The following SPRR2G variants were observed in gnomAD, a reference collection of about 807,000 sequenced individuals.
SPRR2G encodes the protein small proline-rich protein 2G.
A neutral mutation model predicts 0.7 loss-of-function variants in SPRR2G; 1 was observed. The observed-to-expected ratio is 1.49, with a 90% CI of 0.53 to 7.06. The LOEUF is 7.06. SPRR2G is among the 30% of genes most tolerant of loss of function. The probability of loss-of-function intolerance (pLI) is 0.14; values close to 1 mark genes in which losing one functional copy is unlikely to be tolerated. For synonymous variants in SPRR2G, 38 were observed against 33.9 expected, an observed-to-expected ratio of 1.12 and a Z score of -0.42; for missense variants, 96 against 88.5, an observed-to-expected ratio of 1.09 and a Z score of -0.34.
chr1:153,161,964 C>A, the SPRR2G span, among the ~76,000 whole-genome samples: 3 of 151,990 alleles, frequency 2.0e-5, no homozygotes, highest in Admixed American at 6.5e-5. Context: ...TCCATGATAC[C>A]AATAGGGGGT....
At chr1:153,202,614 T>G in the SPRR2G span, among the ~76,000 whole-genome samples, 1 of 152,218 alleles carries the variant, frequency 6.6e-6, no homozygotes, top group Non-Finnish European at 1.5e-5. Flanking sequence ...CCCAGACCCA[T>G]GACTGCCTTC....
the SPRR2G span, chr1:153,174,546 T>C: frequency 1.3e-5 from 2 of 152,398 alleles, no homozygotes; most frequent in Non-Finnish European, 2.9e-5. Flanking sequence ...CAGCAAAATG[T>C]CTTCTGCAAG....
the SPRR2G span, among the ~76,000 whole-genome samples, chr1:153,161,278 G>A: frequency 1.2e-5 from 1 of 83,838 alleles, no homozygotes; most frequent in Non-Finnish European, 3.1e-5. Flanking sequence ...CACATATGAA[G>A]TCACATCTCA....
At chr1:153,182,411 C>A in the SPRR2G span, among the ~76,000 whole-genome samples, 16 of 151,802 alleles carry the variant, frequency 1.1e-4, no homozygotes, top group East Asian at 3.1e-3. Flanking sequence ...TGAGATACAT[C>A]TGCAGAACAT....
At chr1:153,181,090 TTGG>T in the SPRR2G span, among the ~76,000 whole-genome samples, 3 of 152,284 alleles carry the variant, frequency 2.0e-5, no homozygotes, top group Admixed American at 6.5e-5. Context: ...TTTTGCAATC[TTGG>T]TGGTGTTTTT....
chr1:153,180,122 T>A, the SPRR2G span, among the ~76,000 whole-genome samples: 1 of 152,142 alleles, frequency 6.6e-6, no homozygotes, highest in Admixed American at 6.6e-5. Flanking sequence ...TATAAATTAA[T>A]AAAAGCTCAC....
chr1:153,176,839 T>C, the SPRR2G span, among the ~76,000 whole-genome samples: 1 of 152,218 alleles, frequency 6.6e-6, no homozygotes, highest in Admixed American at 6.5e-5. Context: ...AGTATGTAGA[T>C]TTCTGGTAGT....
the SPRR2G span, chr1:153,174,530 C>T: frequency 6.6e-6 from 1 of 152,418 alleles, no homozygotes; most frequent in Non-Finnish European, 1.5e-5. Flanking sequence ...GAGCCACCAC[C>T]CCTGCCAGCA....
At chr1:153,165,981 G>T in the SPRR2G span, among the ~76,000 whole-genome samples, 4 of 152,138 alleles carry the variant, frequency 2.6e-5, no homozygotes, top group Non-Finnish European at 5.9e-5. Flanking sequence ...ACCTCTGACC[G>T]TAAACTCCAC....
the SPRR2G span, among the ~76,000 whole-genome samples, chr1:153,170,278 A>G: frequency 6.6e-6 from 1 of 152,196 alleles, no homozygotes; most frequent in East Asian, 1.9e-4. Context: ...TTATTACTCC[A>G]AAGCTCCTTG....
At chr1:153,177,559 CTTATGGGGCTTTTTAACTGCAT>C in the SPRR2G span, among the ~76,000 whole-genome samples, 27 of 152,130 alleles carry the variant, frequency 1.8e-4, no homozygotes, top group South Asian at 5.6e-3. Flanking sequence ...GAAATGATAT[CTTATGGGGCTTTTTAACTGCAT>C]TTCCCTGACT....
the SPRR2G span, among the ~76,000 whole-genome samples, chr1:153,177,858 T>G: frequency 6.6e-6 from 1 of 151,778 alleles, no homozygotes; most frequent in East Asian, 1.9e-4. Flanking sequence ...ATTTGGTCCA[T>G]TAAGTCCTCC....
the SPRR2G span, among the ~76,000 whole-genome samples, chr1:153,192,247 CTGGGTTCCTATCTGGGTTTCTTCCT>C: frequency 1.3e-5 from 2 of 152,180 alleles, no homozygotes; most frequent in Non-Finnish European, 2.9e-5. Flanking sequence ...AGGATGTCTC[CTGGGTTCCTATCTGGGTTTCTTCCT>C]TGGGTTCCTA....
At chr1:153,175,170 C>T in the SPRR2G span, among the ~76,000 whole-genome samples, 1 of 152,110 alleles carries the variant, frequency 6.6e-6, no homozygotes, top group Admixed American at 6.5e-5. Context: ...ATCCAGGTAC[C>T]ATCATCTCTC....
chr1:153,161,519 A>G, the SPRR2G span, among the ~76,000 whole-genome samples: 4 of 152,054 alleles, frequency 2.6e-5, no homozygotes, highest in Admixed American at 6.6e-5. Flanking sequence ...CTCATTCTGT[A>G]TGATGACTTT....
chr1:153,167,399 G>C, the SPRR2G span, among the ~76,000 whole-genome samples: 7 of 152,068 alleles, frequency 4.6e-5, no homozygotes, highest in Non-Finnish European at 1.0e-4. Flanking sequence ...GCTTGAACCT[G>C]GGAGGCAGAG....
the SPRR2G span, among the ~76,000 whole-genome samples, chr1:153,178,075 C>CAA: frequency 1.3e-5 from 2 of 152,050 alleles, no homozygotes; most frequent in Non-Finnish European, 2.9e-5. Context: ...ATATTACTAA[C>CAA]ATTTTATCTT....
chr1:153,194,977 C>G, the SPRR2G span, among the ~76,000 whole-genome samples: 1 of 152,180 alleles, frequency 6.6e-6, no homozygotes, highest in Non-Finnish European at 1.5e-5. Context: ...ACTGCTGTCA[C>G]TAAAGCATAA....
chr1:153,159,608 T>C, the SPRR2G span, among the ~76,000 whole-genome samples: 1 of 152,206 alleles, frequency 6.6e-6, no homozygotes, highest in Non-Finnish European at 1.5e-5. Flanking sequence ...TCTGTATTAG[T>C]TTGTTCTCAC....
Sources: allele counts gnomAD v4.1 joint callset (sites outside exome capture counted in the v4.1 genomes callset), GRCh38; gene constraint gnomAD v4.1.1; transcripts MANE v1.5; gene names NCBI Gene and HGNC (gene_info 2026-07-23, HGNC 2026-07-21).